The following B3GALNT2 variants were observed in gnomAD, a reference collection of about 807,000 sequenced individuals.
The protein encoded by B3GALNT2 is beta-1,3-N-acetylgalactosaminyltransferase 2, also known as UDP-GalNAc:beta-1,3-N-acetylgalactosaminyltransferase 2.
Under a neutral mutation model 61.1 loss-of-function variants are expected in B3GALNT2, and 53 were observed. The ratio of observed to expected loss-of-function variants is 0.87; its 90% confidence interval spans 0.70 to 1.09. The LOEUF is 1.09. Among genes scored for constraint, B3GALNT2 ranks in the 50% least tolerant of loss-of-function variants. The pLI is 0.00. For synonymous variants in B3GALNT2, 223 were observed against 237.4 expected, an observed-to-expected ratio of 0.94 and a Z score of 0.56; for missense variants, 544 against 623.0, an observed-to-expected ratio of 0.87 and a Z score of 1.35.
At chr1:235,455,749 TCACTAA>T in intron 8 of B3GALNT2, 65 bp from the exon 9 acceptor site, 2 of 1,492,454 alleles carry the variant, frequency 1.3e-6, no homozygotes, top group Non-Finnish European at 1.9e-6. Flanking sequence ...TGCAGTGGCG[TCACTAA>T]CACTTTCATT....
At chr1:235,502,278 G>A (rs1278419763) in intron 1 of B3GALNT2, among the ~76,000 whole-genome samples, 2 of 152,212 alleles carry the variant, frequency 1.3e-5, no homozygotes, top group South Asian at 2.1e-4. Context: ...CTCCCAAAGT[G>A]TTGGGATTAC....
chr1:235,486,637 T>C (rs866095377), intron 3 of B3GALNT2, among the ~76,000 whole-genome samples: 1 of 152,230 alleles, frequency 6.6e-6, no homozygotes, highest in Non-Finnish European at 1.5e-5. Context: ...CTTAGTTATA[T>C]ACGCATTTAA....
At chr1:235,443,866 AAGT>A, downstream of B3GALNT2, among the ~76,000 whole-genome samples, 1 of 152,356 alleles carries the variant, frequency 6.6e-6, no homozygotes, top group South Asian at 2.1e-4. Context: ...TGTGTCAATA[AAGT>A]AGATCAACAT....
At chr1:235,500,077 G>A (rs1685518117) in intron 1 of B3GALNT2, among the ~76,000 whole-genome samples, 2 of 152,076 alleles carry the variant, frequency 1.3e-5, no homozygotes, top group African/African-American at 2.4e-5. Flanking sequence ...TTATTTTGGG[G>A]TATTGTTTTC....
chr1:235,492,738 TA>T (rs1558439957), intron 2 of B3GALNT2, among the ~76,000 whole-genome samples: 2 of 151,902 alleles, frequency 1.3e-5, no homozygotes, highest in Non-Finnish European at 2.9e-5. Flanking sequence ...ACAAACAAGA[TA>T]GGGGTGGGCT....
At chr1:235,454,102 G>T in intron 10 of B3GALNT2, 54 bp downstream of exon 10, 1 of 1,494,462 alleles carries the variant, frequency 6.7e-7, no homozygotes, top group South Asian at 1.3e-5. Context: ...GCCTCCCAAA[G>T]TGTTGTGATT....
At chr1:235,481,797 A>G (rs1684575520) in intron 4 of B3GALNT2, among the ~76,000 whole-genome samples, 1 of 152,160 alleles carries the variant, frequency 6.6e-6, no homozygotes, top group Non-Finnish European at 1.5e-5. Flanking sequence ...GTTAACTACA[A>G]TCATATATGG....
chr1:235,504,132 G>A lies in B3GALNT2; in HGVS notation c.112+9C>T, dbSNP rs1055699299. ...GCGGCCGCCAACCCGCCCGGCCCCA[G>A]GACCTCACCTGCAGGGCCGGCCCCG... On this transcript the variant is annotated intron_variant, in intron 1 of 11. Coordinates refer to ENST00000366600, the MANE Select transcript of B3GALNT2 (RefSeq NM_152490.5). 2.6e-6 allele frequency: 3 copies of A among 1,156,074 alleles called. No individual in the cohort carries two copies. Among genetic ancestry groups the A allele is most frequent in the Admixed American group, 4.7e-5 (1 of 21,082 alleles). The allele number at this position is 1,156,074 out of a possible 1,614,324, so 71.6% of individuals were successfully genotyped here. A position where few individuals can be genotyped will look rare whatever the true frequency, so the allele number is the denominator to read the frequency against.
rs1188036302 is a variant in B3GALNT2, at chr1:235,452,272, CTGT to C, written c.1368+815_1368+817del. The C allele has an allele frequency of 1.3e-5, 2 of 152,178 alleles. 1 individual carries two copies. The highest frequency in any genetic ancestry group is 3.9e-4 in the East Asian group (2 of 5,190). 9.4% of individuals were successfully genotyped at this position (152,178 alleles called of 1,614,324 possible). A position where few individuals can be genotyped will look rare whatever the true frequency, so the allele number is the denominator to read the frequency against. On this transcript the variant is annotated intron_variant, in intron 11 of 11. Coordinates refer to ENST00000366600, the MANE Select transcript of B3GALNT2 (RefSeq NM_152490.5). ...CTCATGATCTGCCCGCCTCGGCCTT[CTGT>C]TGTTAAGTTTTAAAGCTGCAAATAA...
chr1:235,465,785 G>T, intron 6 of B3GALNT2, 71 bp from the exon 7 acceptor site: 2 of 1,566,294 alleles, frequency 1.3e-6, no homozygotes, highest in South Asian at 2.3e-5. Context: ...AAATCGATTT[G>T]ACAAAAATCA....
At chr1:235,491,925 T>C (rs1410276167) in intron 2 of B3GALNT2, among the ~76,000 whole-genome samples, 2 of 152,184 alleles carry the variant, frequency 1.3e-5, no homozygotes, top group Admixed American at 1.3e-4. Flanking sequence ...TCAAGTTATA[T>C]AGAAGTGTTA....
At chr1:235,471,629 T>C (rs1270954214) in intron 5 of B3GALNT2, among the ~76,000 whole-genome samples, 3 of 152,204 alleles carry the variant, frequency 2.0e-5, no homozygotes, top group Non-Finnish European at 4.4e-5. Flanking sequence ...CCTAATATAC[T>C]AGATTTTTAC....
intron 5 of B3GALNT2, chr1:235,478,980 C>T (rs539493969): frequency 7.9e-5 from 12 of 151,804 alleles, no homozygotes; most frequent in South Asian, 6.2e-4. Flanking sequence ...ACTGCTTTTG[C>T]GGAGCAGGCT....
Position 235,453,323 on chromosome 1 carries a change from G to A in B3GALNT2, c.1312-177C>T, listed in dbSNP as rs2102780831. Among the ~76,000 whole-genome samples, 3 of 152,212 alleles carry A rather than the reference G, an allele frequency of 2.0e-5. 1 individual carries two copies. Among genetic ancestry groups the A allele is most frequent in the Middle Eastern group, 6.8e-3 (2 of 294 alleles). On this transcript the variant is annotated intron_variant, in intron 10 of 11. Transcript: ENST00000366600. Reference sequence around the variant, plus strand: ...AGTCAAAGCTAGTGGTCTTTAATATGAAGCACCCCTGCCACAAGGTAATAA... The same window carrying A: ...AGTCAAAGCTAGTGGTCTTTAATATAAAGCACCCCTGCCACAAGGTAATAA...
At chr1:235,446,444 T>C (rs1682308720), downstream of B3GALNT2, among the ~76,000 whole-genome samples, 1 of 152,076 alleles carries the variant, frequency 6.6e-6, no homozygotes, top group Non-Finnish European at 1.5e-5. Context: ...CCCAAAGTGT[T>C]GGGATTACAG....
At chr1:235,477,998 A>T (rs902443762) in intron 5 of B3GALNT2, among the ~76,000 whole-genome samples, 1 of 152,188 alleles carries the variant, frequency 6.6e-6, no homozygotes, top group African/African-American at 2.4e-5. Flanking sequence ...ACCTCATGTG[A>T]ATGAACAAAC....
At chr1:235,500,357 G>A (rs1685530755) in intron 1 of B3GALNT2, among the ~76,000 whole-genome samples, 1 of 152,122 alleles carries the variant, frequency 6.6e-6, no homozygotes, top group Non-Finnish European at 1.5e-5. Context: ...GCTGGGTGTG[G>A]TGGCACACAC....
At chr1:235,473,886 C>CATGACATG (rs1198961597) in intron 5 of B3GALNT2, among the ~76,000 whole-genome samples, 2 of 152,194 alleles carry the variant, frequency 1.3e-5, no homozygotes, top group Non-Finnish European at 2.9e-5. Flanking sequence ...ATTCAATTGA[C>CATGACATG]ATGACATGTG....
At position 235,447,304 on chromosome 1, in the gene B3GALNT2, T is replaced by G. The variant is rs1682420886; in HGVS notation, c.*2902A>C. On this transcript the variant is annotated 3_prime_UTR_variant, in exon 12 of 12. Coordinates refer to ENST00000366600, the MANE Select transcript of B3GALNT2 (RefSeq NM_152490.5). ...ATGATTTTTGATAGAAAAATATGTT[T>G]GAATACACTGTGATATTTGTAGGAA... Among the ~76,000 whole-genome samples the G allele has an allele frequency of 6.6e-6, 1 of 152,244 alleles. No homozygotes were observed. The highest frequency in any genetic ancestry group is 6.5e-5 in the Admixed American group (1 of 15,284).
Sources: gnomAD v4.1 joint callset for allele counts (sites outside exome capture counted in the v4.1 genomes callset) on GRCh38, gnomAD v4.1.1 for gene constraint, MANE v1.5 for transcripts, NCBI Gene and HGNC (gene_info 2026-07-23, HGNC 2026-07-21) for gene names.